The following GNAL variants were observed in gnomAD, a reference collection of about 807,000 sequenced individuals.
The protein encoded by GNAL is guanine nucleotide-binding protein G(olf) subunit alpha.
A neutral mutation model predicts 55.1 loss-of-function variants in GNAL; 18 were observed. The ratio of observed to expected loss-of-function variants is 0.33; its 90% CI spans 0.23 to 0.48. The LOEUF (loss-of-function observed/expected upper bound fraction) is 0.48. Among genes scored for constraint, GNAL ranks in the 20% least tolerant of loss-of-function variants. The probability of loss-of-function intolerance (pLI) is 0.99; values close to 1 mark genes in which losing one functional copy is unlikely to be tolerated. For missense variants in GNAL, 412 were observed against 614.1 expected, an observed-to-expected ratio of 0.67 and a Z score of 3.48; for synonymous variants, 253 against 237.0, an observed-to-expected ratio of 1.07 and a Z score of -0.62.
At chr18:11,789,786 T>C (rs2034177799) in intron 4 of GNAL, among the ~76,000 whole-genome samples, 1 of 152,238 alleles carries the variant, frequency 6.6e-6, no homozygotes, top group South Asian at 2.1e-4. Context: ...TCATGTGGCT[T>C]GCAGAGGAAG....
At chr18:11,809,260 A>T (rs932422469) in intron 4 of GNAL, among the ~76,000 whole-genome samples, 1 of 151,626 alleles carries the variant, frequency 6.6e-6, no homozygotes, top group Non-Finnish European at 1.5e-5. Context: ...TCTATCTCAA[A>T]AAAAAAAAGG....
At chr18:11,869,205 G>A (rs942817561) in intron 9 of GNAL, among the ~76,000 whole-genome samples, 61 of 151,584 alleles carry the variant, frequency 4.0e-4, no homozygotes, top group Non-Finnish European at 4.4e-5. Flanking sequence ...GTGCAGTGGC[G>A]CCATCTCGGC....
At chr18:11,821,111 G>A (rs549076284) in intron 4 of GNAL, among the ~76,000 whole-genome samples, 1 of 152,328 alleles carries the variant, frequency 6.6e-6, no homozygotes, top group South Asian at 2.1e-4. Flanking sequence ...CAATGTATTT[G>A]TGAATCGTGG....
At chr18:11,823,325 AG>A (rs749055686) in intron 4 of GNAL, among the ~76,000 whole-genome samples, 3 of 152,130 alleles carry the variant, frequency 2.0e-5, no homozygotes, top group Non-Finnish European at 4.4e-5. Flanking sequence ...CACCCCCTTC[AG>A]GGGGAGAATG....
In GNAL at chr18:11,803,670, A is replaced by G. The variant is rs376502442; in HGVS notation, c.625-21248A>G. 3.9e-4 allele frequency among the ~76,000 whole-genome samples: 59 copies of G among 151,474 alleles called. 1 individual carries two copies. Among genetic ancestry groups the G allele is most frequent in the East Asian group, 1.2e-3 (6 of 5,126 alleles). On this transcript the variant is annotated intron_variant, in intron 4 of 11. Transcript: ENST00000334049. ...CTGTGTAGTGGTGAAGTACAGGTGCAGTTTGGATGGAACACGGAGATATTG... is the reference window on the plus strand; with the variant it reads ...CTGTGTAGTGGTGAAGTACAGGTGCGGTTTGGATGGAACACGGAGATATTG...
intron 1 of GNAL, among the ~76,000 whole-genome samples, chr18:11,707,170 G>A (rs2031732846): frequency 6.6e-6 from 1 of 152,174 alleles, no homozygotes; most frequent in African/African-American, 2.4e-5. Context: ...ACCATGCTTG[G>A]CTAATCCAGA....
At chr18:11,848,768 T>G (rs1404290483) in intron 5 of GNAL, among the ~76,000 whole-genome samples, 1 of 152,152 alleles carries the variant, frequency 6.6e-6, no homozygotes, top group Non-Finnish European at 1.5e-5. Context: ...ACAACCACAC[T>G]TTATAAAGTT....
intron 4 of GNAL, among the ~76,000 whole-genome samples, chr18:11,792,417 C>T (rs1287524051): frequency 6.6e-6 from 1 of 152,206 alleles, no homozygotes; most frequent in African/African-American, 2.4e-5. Context: ...AACTCCTGAC[C>T]TCAGGTGATC....
At chr18:11,756,306 T>C (rs1197599946) in intron 4 of GNAL, among the ~76,000 whole-genome samples, 3 of 152,196 alleles carry the variant, frequency 2.0e-5, no homozygotes, top group African/African-American at 7.2e-5. Flanking sequence ...TATTTTCAGA[T>C]AGATAAATTA....
intron 5 of GNAL, among the ~76,000 whole-genome samples, chr18:11,836,932 GA>G (rs1292604736): frequency 1.3e-5 from 2 of 152,128 alleles, no homozygotes; most frequent in Non-Finnish European, 2.9e-5. Context: ...TTCATATCTT[GA>G]ACCTAGTTTT....
At chr18:11,795,374 G>C (rs538946993) in intron 4 of GNAL, among the ~76,000 whole-genome samples, 1 of 140,244 alleles carries the variant, frequency 7.1e-6, no homozygotes, top group South Asian at 2.3e-4. Flanking sequence ...CTGGGTAACA[G>C]AGTGAGACCC....
intron 4 of GNAL, among the ~76,000 whole-genome samples, chr18:11,802,134 A>C (rs888722483): frequency 1.3e-5 from 2 of 152,136 alleles, no homozygotes; most frequent in Non-Finnish European, 1.5e-5. Context: ...CTTTATATTT[A>C]GAGTCAAGTT....
chr18:11,712,474 A>C (rs2031860588), intron 1 of GNAL, among the ~76,000 whole-genome samples: 1 of 152,184 alleles, frequency 6.6e-6, no homozygotes, highest in Non-Finnish European at 1.5e-5. Context: ...ATATTTTGTT[A>C]CATCAATTTT....
chr18:11,788,916 T>A (rs370832182), intron 4 of GNAL, among the ~76,000 whole-genome samples: 1,043 of 81,568 alleles, frequency 0.013, 8 homozygotes, highest in African/African-American at 0.025. Flanking sequence ...AAAAAAAAAA[T>A]ATATATATAT....
rs907699152 is a variant in GNAL, at chr18:11,885,448, G to C, written c.*4313G>C. 1.8e-6 allele frequency: 1 copy of C among 553,870 alleles called. No individual in the cohort carries two copies. The highest frequency in any genetic ancestry group is 1.9e-5 in the African/African-American group (1 of 52,970). The allele number at this position is 553,870 out of a possible 1,614,324, so 34.3% of individuals were successfully genotyped here. A position where few individuals can be genotyped will look rare whatever the true frequency, so the allele number is the denominator to read the frequency against. On this transcript the variant is annotated 3_prime_UTR_variant, in exon 12 of 12. Transcript: ENST00000334049. ...CTCCCTGAAGGATAAAGTCCACCTG[G>C]ACGGTGCCCTGCCCTCGCTTCTCAC...
At chr18:11,769,620 ATTAC>A (rs974376989) in intron 4 of GNAL, among the ~76,000 whole-genome samples, 2 of 152,238 alleles carry the variant, frequency 1.3e-5, no homozygotes, top group Non-Finnish European at 2.9e-5. Flanking sequence ...CATGCACGTA[ATTAC>A]TTAGTGTTTA....
chr18:11,853,197 A>C (rs2035922268), intron 5 of GNAL: 1 of 167,058 alleles, frequency 6.0e-6, no homozygotes, highest in African/African-American at 2.4e-5. Context: ...TATAAGCTGG[A>C]ATGTTTTACT....
At chr18:11,875,224 G>A (rs979430310) in intron 10 of GNAL, among the ~76,000 whole-genome samples, 2 of 152,172 alleles carry the variant, frequency 1.3e-5, no homozygotes, top group African/African-American at 4.8e-5. Context: ...AGGGAGGCCA[G>A]GGCCCAGCTC....
intron 1 of GNAL, among the ~76,000 whole-genome samples, chr18:11,724,738 A>C (rs868842865): frequency 2.6e-5 from 4 of 152,128 alleles, no homozygotes; most frequent in Non-Finnish European, 5.9e-5. Flanking sequence ...TGCACGCCTG[A>C]TGTTATAGTG....
Sources: gnomAD v4.1 joint callset for allele counts (sites outside exome capture counted in the v4.1 genomes callset) on GRCh38, gnomAD v4.1.1 for gene constraint, MANE v1.5 for transcripts, NCBI Gene and HGNC (gene_info 2026-07-23, HGNC 2026-07-21) for gene names.